The following ENPP4 variants were observed in gnomAD, a reference collection of about 807,000 sequenced individuals.
ENPP4 encodes ectonucleotide pyrophosphatase/phosphodiesterase 4.
Under a neutral mutation model 33.4 loss-of-function variants are expected in ENPP4, and 18 were observed. The observed-to-expected ratio is 0.54, with a 90% CI of 0.37 to 0.80. The LOEUF is 0.80. Among genes scored for constraint, ENPP4 ranks in the 30% least tolerant of loss-of-function variants. The pLI, the probability that ENPP4 is intolerant of heterozygous loss-of-function variation, is 0.00. For synonymous variants in ENPP4, 172 were observed against 189.9 expected (o/e 0.91, Z 0.78); for missense variants, 480 against 541.7 (o/e 0.89, Z 1.13).
At chr6:46,142,351 AAT>A (rs898124899) in intron 3 of ENPP4, among the ~76,000 whole-genome samples, 10 of 141,058 alleles carry the variant, frequency 7.1e-5, no homozygotes, top group African/African-American at 2.6e-4. Context: ...AATTATATGT[AAT>A]ATATATAATA....
chr6:46,142,415 AAT>A (rs1764079816), intron 3 of ENPP4, among the ~76,000 whole-genome samples: 1 of 21,234 alleles, frequency 4.7e-5, no homozygotes, highest in South Asian at 9.8e-4. Flanking sequence ...ATATAATTAT[AAT>A]ATATATTTTC....
Position 46,139,581 on chromosome 6 carries a change from A to C in ENPP4, c.-3A>C. On this transcript the variant is annotated 5_prime_UTR_variant, in exon 2 of 4. Transcript: ENST00000321037. ...CTGATTGCTGTCCTTCAACGTGTTCATTATGAAGTTATTAGTAATACTTTT... is the reference window on the plus strand; with the variant it reads ...CTGATTGCTGTCCTTCAACGTGTTCCTTATGAAGTTATTAGTAATACTTTT... The C allele has an allele frequency of 6.9e-7, 1 of 1,442,248 alleles. No individual in the cohort carries two copies. Among genetic ancestry groups the C allele is most frequent in the Non-Finnish European group, 9.7e-7 (1 of 1,026,100 alleles). 89.3% of individuals were successfully genotyped at this position (1,442,248 alleles called of 1,614,324 possible). A position where few individuals can be genotyped will look rare whatever the true frequency, so the allele number is the denominator to read the frequency against.
chr6:46,141,298 G>T (rs1764059761), intron 3 of ENPP4, 76 bp downstream of exon 3: 1 of 1,066,732 alleles, frequency 9.4e-7, no homozygotes, highest in Non-Finnish European at 1.4e-6. Flanking sequence ...TGTTAAGAGG[G>T]TACTTCGATT....
chr6:46,138,096 TTC>T (rs1340210996), intron 1 of ENPP4, among the ~76,000 whole-genome samples: 1 of 151,830 alleles, frequency 6.6e-6, no homozygotes, highest in Non-Finnish European at 1.5e-5. Flanking sequence ...AAATAATGCA[TTC>T]ACTTGTTGCA....
At position 46,145,242 on chromosome 6, in the gene ENPP4, T is replaced by C; in HGVS notation, c.*1602T>C. Reference sequence around the variant, plus strand: ...CAAACATACAGTGCGTCCTATTGAGTCACTGCTAATTTCTTGAGCCTGGTA... The same window carrying C: ...CAAACATACAGTGCGTCCTATTGAGCCACTGCTAATTTCTTGAGCCTGGTA... On this transcript the variant is annotated 3_prime_UTR_variant, in exon 4 of 4. Coordinates refer to ENST00000321037, the MANE Select transcript of ENPP4 (RefSeq NM_014936.5). The C allele has an allele frequency of 3.6e-6, 1 of 279,502 alleles. No homozygotes were observed. The highest frequency in any genetic ancestry group is 6.6e-6 in the Non-Finnish European group (1 of 150,948). 17.3% of individuals were successfully genotyped at this position (279,502 alleles called of 1,614,324 possible).
intron 2 of ENPP4, 35 bp from the exon 3 acceptor site, chr6:46,141,017 A>G: frequency 7.0e-7 from 1 of 1,431,012 alleles, no homozygotes; most frequent in South Asian, 1.3e-5. Flanking sequence ...ATCAATCATA[A>G]CTTGTTTCCT....
intron 1 of ENPP4, among the ~76,000 whole-genome samples, chr6:46,131,232 A>G (rs1429886401): frequency 6.6e-6 from 1 of 152,100 alleles, no homozygotes; most frequent in Non-Finnish European, 1.5e-5. Context: ...ATATGTATAT[A>G]TGTGCCATGC....
intron 3 of ENPP4, 76 bp from the exon 4 acceptor site, chr6:46,143,200 T>C (rs79426264): frequency 3.0e-5 from 41 of 1,383,872 alleles, no homozygotes; most frequent in Non-Finnish European, 3.9e-5. Flanking sequence ...GAATTGAATG[T>C]TTATATACTA....
At chr6:46,131,829 G>A (rs1763906432) in intron 1 of ENPP4, among the ~76,000 whole-genome samples, 1 of 152,126 alleles carries the variant, frequency 6.6e-6, no homozygotes. Context: ...GTTGTGTCCT[G>A]ACTTTTTAAT....
In ENPP4 at chr6:46,130,085, A is replaced by G. The variant is rs1581951568; in HGVS notation, c.-138A>G. ...GCAGGCGCCTCAGGAAGAGCTCGGC[A>G]TCGCCCCTCTTCCTCCAGGTCCCCC... On this transcript the variant is annotated 5_prime_UTR_variant, in exon 1 of 4. Transcript: ENST00000321037. The G allele has an allele frequency of 6.9e-6, 1 of 145,178 alleles. No homozygotes were observed. Among genetic ancestry groups the G allele is most frequent in the African/African-American group, 2.5e-5 (1 of 40,210 alleles). The allele number at this position is 145,178 out of a possible 1,614,324, so 9.0% of individuals were successfully genotyped here. A position where few individuals can be genotyped will look rare whatever the true frequency, so the allele number is the denominator to read the frequency against.
In ENPP4 at chr6:46,143,674, T is replaced by A. The variant is rs758564656; in HGVS notation, c.*34T>A. The A allele has an allele frequency of 9.7e-6, 15 of 1,549,284 alleles. No individual in the cohort carries two copies. The Admixed American group carries it at 1.1e-4, about 12-fold the overall frequency. On this transcript the variant is annotated 3_prime_UTR_variant, in exon 4 of 4. Coordinates refer to ENST00000321037, the MANE Select transcript of ENPP4 (RefSeq NM_014936.5). ...AGGGCTTATACAAAGTGTCTTTGAT[T>A]AATCACAAAACTAAGAATACATCCA...
chr6:46,131,120 ATT>A (rs34292838), intron 1 of ENPP4, among the ~76,000 whole-genome samples: 4 of 151,412 alleles, frequency 2.6e-5, no homozygotes, highest in Non-Finnish European at 5.9e-5. Context: ...TTTGGAAGAC[ATT>A]TTTTTTTATG....
chr6:46,140,170 G>T lies in ENPP4; in HGVS notation c.587G>T (p.Gly196Val). The T allele has an allele frequency of 6.2e-7, 1 of 1,612,552 alleles. No homozygotes were observed. Reference sequence around the variant, plus strand: ...CCAGATGCAAGTGGCCACAAATACGGACCTGAAGATAAAGAAAACATGAGC... The same window carrying T: ...CCAGATGCAAGTGGCCACAAATACGTACCTGAAGATAAAGAAAACATGAGC... ...EEPDASGHKY[G>V]PEDKENMSRV... The change falls in exon 2 of 4, where the codon GGA becomes GTA. Residue 196 changes from glycine to valine, a missense_variant. By Grantham distance (109) the Gly-to-Val change is moderately radical. Transcript: ENST00000321037.
chr6:46,133,548 C>G lies in ENPP4; in HGVS notation c.-34+3359C>G, dbSNP rs566750610. 2.0e-5 allele frequency among the ~76,000 whole-genome samples: 3 copies of G among 152,248 alleles called. No homozygotes were observed. The South Asian group carries it at 6.2e-4, about 32-fold the overall frequency. ...TGACTGCATTCCATCCAGGGAAGAA[C>G]GTCTTCCCAGAGAAATTAGAAGGTA... is the stretch of plus-strand genomic sequence containing the variant. On this transcript the variant is annotated intron_variant, in intron 1 of 3. Transcript: ENST00000321037.
intron 1 of ENPP4, among the ~76,000 whole-genome samples, chr6:46,135,601 A>G (rs1763963628): frequency 6.6e-6 from 1 of 152,034 alleles, no homozygotes; most frequent in South Asian, 2.1e-4. Context: ...ATTTTCTTCC[A>G]TTCTCTGGGT....
In ENPP4 at chr6:46,140,069, A is replaced by G; in HGVS notation, c.486A>G (p.Glu162=). Residue 162 remains glutamate (E), a synonymous_variant, in exon 2 of 4, where the codon GAA becomes GAG. Transcript: ENST00000321037. ...MNYNSSVSFE[E]RLNNITMWLN... is the part of the protein sequence containing the mutation. ...ACAACTCCTCAGTGTCATTTGAGGAAAGACTAAATAATATTACTATGTGGC... is the reference window on the plus strand; with the variant it reads ...ACAACTCCTCAGTGTCATTTGAGGAGAGACTAAATAATATTACTATGTGGC... 6.2e-7 allele frequency: 1 copy of G among 1,612,598 alleles called. No homozygotes were observed.
Position 46,140,376 on chromosome 6 carries a change from T to G in ENPP4, c.793T>G (p.Leu265Val), listed in dbSNP as rs1764040285. The change falls in exon 2 of 4, where the codon TTG (leucine) becomes GTG (valine). Residue 265 changes from leucine to valine, a missense_variant. By Grantham distance (32) the Leu-to-Val change is conservative. Coordinates refer to ENST00000321037, the MANE Select transcript of ENPP4 (RefSeq NM_014936.5). ...IDHSYYTLIDLSPVAAILPKI... is the reference protein window; with the variant it reads ...IDHSYYTLIDVSPVAAILPKI... Reference sequence around the variant, plus strand: ...TCATTCATACTACACTCTTATAGATTTGAGCCCAGTTGCTGCAATACTTCC... The same window carrying G: ...TCATTCATACTACACTCTTATAGATGTGAGCCCAGTTGCTGCAATACTTCC... 1.3e-6 allele frequency: 2 copies of G among 1,588,650 alleles called. No homozygotes were observed. Among genetic ancestry groups the G allele is most frequent in the African/African-American group, 1.4e-5 (1 of 73,458 alleles).
At chr6:46,139,448 C>G (rs1264338921) in intron 1 of ENPP4, 103 bp from the exon 2 acceptor site, 1 of 584,744 alleles carries the variant, frequency 1.7e-6, no homozygotes, top group African/African-American at 1.9e-5. Context: ...ATAGGTAAAG[C>G]TGGCATATAA....
chr6:46,134,533 C>T (rs1429249848), intron 1 of ENPP4, among the ~76,000 whole-genome samples: 1 of 152,032 alleles, frequency 6.6e-6, no homozygotes, highest in Non-Finnish European at 1.5e-5. Context: ...GTCTGTTTTG[C>T]ACATGGGAAG....
Sources: gnomAD v4.1 joint callset for allele counts (sites outside exome capture counted in the v4.1 genomes callset) on GRCh38, gnomAD v4.1.1 for gene constraint, MANE v1.5 for transcripts, NCBI Gene and HGNC (gene_info 2026-07-23, HGNC 2026-07-21) for gene names.